Variants in MALRD1 observed in about 807,000 individuals in gnomAD.
MALRD1 encodes MAM and LDL receptor class A domain containing 1.
A neutral mutation model predicts 242.1 loss-of-function variants in MALRD1; 247 were observed. That is an observed-to-expected ratio of 1.02 (90% CI 0.92 to 1.13). The LOEUF (loss-of-function observed/expected upper bound fraction) is 1.13. MALRD1 is among the 50% of genes most tolerant of loss of function. MALRD1 has a pLI of 0.00. For synonymous variants in MALRD1, 995 were observed against 866.6 expected (o/e 1.15, Z -2.60); for missense variants, 2,989 against 2,533.1 (o/e 1.18, Z -3.86).
chr10:19,302,309 A>G (rs1169919405), intron 21 of MALRD1, among the ~76,000 whole-genome samples: 1 of 151,836 alleles, frequency 6.6e-6, no homozygotes, highest in Admixed American at 6.6e-5. Flanking sequence ...AAGTGAAAAC[A>G]TATACCCACA....
intron 33 of MALRD1, among the ~76,000 whole-genome samples, chr10:19,571,823 A>G (rs1363314674): frequency 6.6e-6 from 1 of 152,180 alleles, no homozygotes; most frequent in East Asian, 1.9e-4. Context: ...AAATGAACCA[A>G]GGCGCCTGAA....
At chr10:19,519,623 G>T (rs1485544211) in intron 31 of MALRD1, among the ~76,000 whole-genome samples, 1 of 151,758 alleles carries the variant, frequency 6.6e-6, no homozygotes, top group Non-Finnish European at 1.5e-5. Flanking sequence ...TTTTTATAAG[G>T]TAGCCAGGTG....
At chr10:19,322,425 A>G (rs1349768632) in intron 21 of MALRD1, among the ~76,000 whole-genome samples, 3 of 152,198 alleles carry the variant, frequency 2.0e-5, no homozygotes, top group Admixed American at 2.0e-4. Flanking sequence ...TGATATATAT[A>G]TAACCACAAA....
At chr10:19,099,763 A>ATAT (rs1554788439) in intron 4 of MALRD1, among the ~76,000 whole-genome samples, 3 of 149,328 alleles carry the variant, frequency 2.0e-5, no homozygotes, top group African/African-American at 7.3e-5. Context: ...ATATATATAT[A>ATAT]TTTTTTTTAA....
At chr10:19,664,699 A>T (rs115421697) in intron 36 of MALRD1, among the ~76,000 whole-genome samples, 1 of 151,764 alleles carries the variant, frequency 6.6e-6, no homozygotes, top group African/African-American at 2.4e-5. Flanking sequence ...GTGTTTTAAT[A>T]TATTTATTAT....
rs187388270 is a variant in MALRD1 at position 19,280,825 on chromosome 10, G to T, written c.3256+602G>T. 3.9e-4 allele frequency among the ~76,000 whole-genome samples: 59 copies of T among 152,276 alleles called. 1 individual carries two copies. In the South Asian group the frequency reaches 0.011, roughly 28 times the overall value. On this transcript the variant is annotated intron_variant, in intron 20 of 39. Transcript: ENST00000454679. ...CTCAGCCAAAGATACAGTCTAAGAGGAGAAAAATTAATCTGTGTCTTAATG... is the reference window on the plus strand; with the variant it reads ...CTCAGCCAAAGATACAGTCTAAGAGTAGAAAAATTAATCTGTGTCTTAATG...
chr10:19,465,192 G>A (rs895973748), intron 29 of MALRD1, among the ~76,000 whole-genome samples: 6 of 151,966 alleles, frequency 3.9e-5, no homozygotes, highest in African/African-American at 1.4e-4. Context: ...CAATTTAAAT[G>A]CCCTTTATTT....
chr10:19,356,279 T>C (rs1015911786), intron 26 of MALRD1, among the ~76,000 whole-genome samples: 1 of 152,068 alleles, frequency 6.6e-6, no homozygotes, highest in East Asian at 1.9e-4. Context: ...TGTATCTATA[T>C]GGAAGGGAGG....
chr10:19,388,409 G>T (rs1273646771), intron 27 of MALRD1, among the ~76,000 whole-genome samples: 3 of 152,180 alleles, frequency 2.0e-5, no homozygotes, highest in Non-Finnish European at 4.4e-5. Context: ...AGATGATAAT[G>T]TATGCTGCCA....
intron 36 of MALRD1, among the ~76,000 whole-genome samples, chr10:19,658,313 A>G (rs1166527252): frequency 6.6e-6 from 1 of 152,188 alleles, no homozygotes; most frequent in Admixed American, 6.6e-5. Flanking sequence ...AAATGTGGTA[A>G]CAATGTTTGC....
At chr10:19,308,862 A>G (rs753797330) in intron 21 of MALRD1, among the ~76,000 whole-genome samples, 4 of 151,632 alleles carry the variant, frequency 2.6e-5, no homozygotes, top group Non-Finnish European at 4.4e-5. Flanking sequence ...TAATCTTAAA[A>G]ACAATTATTT....
chr10:19,356,896 G>A (rs1588959903), intron 26 of MALRD1, among the ~76,000 whole-genome samples: 1 of 152,132 alleles, frequency 6.6e-6, no homozygotes, highest in African/African-American at 2.4e-5. Flanking sequence ...ATCATCTGAG[G>A]TCAGGAGTTC....
chr10:19,217,119 T>C (rs1422605398), intron 18 of MALRD1, among the ~76,000 whole-genome samples: 1 of 152,128 alleles, frequency 6.6e-6, no homozygotes, highest in Non-Finnish European at 1.5e-5. Flanking sequence ...CTGCTCTCAT[T>C]TTTGGACCTC....
At chr10:19,441,930 G>A (rs2130991192) in intron 28 of MALRD1, among the ~76,000 whole-genome samples, 1 of 152,242 alleles carries the variant, frequency 6.6e-6, no homozygotes, top group African/African-American at 2.4e-5. Flanking sequence ...GGGCAGTATG[G>A]CCATTTTCAC....
At chr10:19,204,174 C>A in intron 15 of MALRD1, 134 bp from the exon 16 acceptor site, 1 of 681,112 alleles carries the variant, frequency 1.5e-6, no homozygotes, top group Non-Finnish European at 2.5e-6. Context: ...GACTAAGAGT[C>A]ACTGATTGAT....
intron 21 of MALRD1, among the ~76,000 whole-genome samples, chr10:19,298,488 A>G (rs753792845): frequency 1.3e-5 from 2 of 151,828 alleles, no homozygotes; most frequent in African/African-American, 2.4e-5. Context: ...AAAGGGAAAG[A>G]AAGGGAAGGG....
intron 31 of MALRD1, among the ~76,000 whole-genome samples, chr10:19,527,439 C>T (rs1834152998): frequency 6.6e-6 from 1 of 152,086 alleles, no homozygotes. Flanking sequence ...AATTCAATTC[C>T]TAACTTTGCA....
At chr10:19,149,343 T>A (rs568375025) in intron 11 of MALRD1, among the ~76,000 whole-genome samples, 64 of 152,124 alleles carry the variant, frequency 4.2e-4, no homozygotes, top group African/African-American at 1.5e-3. Context: ...AGGCTGGATA[T>A]GTTGATATTA....
intron 18 of MALRD1, among the ~76,000 whole-genome samples, chr10:19,209,953 G>A (rs1328959781): frequency 6.6e-6 from 1 of 152,106 alleles, no homozygotes; most frequent in Non-Finnish European, 1.5e-5. Context: ...TTGCTTTACT[G>A]AAATGAACAA....
Sources: allele counts gnomAD v4.1 joint callset (sites outside exome capture counted in the v4.1 genomes callset), GRCh38; gene constraint gnomAD v4.1.1; transcripts MANE v1.5; gene names NCBI Gene and HGNC (gene_info 2026-07-23, HGNC 2026-07-21).